The following KLF8 variants were observed in gnomAD, a reference collection of about 807,000 sequenced individuals.
KLF8 encodes KLF transcription factor 8.
Under a neutral mutation model 18.2 loss-of-function variants are expected in KLF8, and 10 were observed. The observed-to-expected ratio is 0.55, with a 90% CI of 0.34 to 0.93. KLF8 has a LOEUF of 0.93. Among genes scored for constraint, KLF8 ranks in the 40% least tolerant of loss-of-function variants. The pLI is 0.02. For synonymous variants in KLF8, 109 were observed against 97.3 expected (o/e 1.12, Z -0.71); for missense variants, 264 against 277.9 (o/e 0.95, Z 0.36).
At chrX:55,945,023 A>G in the KLF8 span, among the ~76,000 whole-genome samples, 3 of 110,761 alleles carry the variant, frequency 2.7e-5, no homozygotes, top group Admixed American at 1.9e-4. Context: ...AGATCCTGTT[A>G]TGTTGTGTCT....
At position 56,233,076 on chromosome X, in the gene KLF8, G is replaced by A; in HGVS notation, c.-259G>A. 1 of 383,134 alleles carries A rather than the reference G, an allele frequency of 2.6e-6. No individual in the cohort carries two copies. The highest frequency in any genetic ancestry group is 4.6e-6 in the Non-Finnish European group (1 of 217,242). 31.6% of individuals were successfully genotyped at this position (383,134 alleles called of 1,213,427 possible). ...TGATTTTTGGGTTGGATGCTTGAGA[G>A]CTTTGTTTCCCTTGTTCCGAGAGTG... On this transcript the variant is annotated 5_prime_UTR_variant, in exon 1 of 6. Coordinates refer to ENST00000468660, the MANE Select transcript of KLF8 (RefSeq NM_007250.5).
the KLF8 span, among the ~76,000 whole-genome samples, chrX:56,194,347 G>T: frequency 0.017 from 1,866 of 111,568 alleles, 47 homozygotes; most frequent in African/African-American, 0.059. Context: ...GGAAAAACGG[G>T]ACACTCCCAC....
chrX:56,014,822 T>G, the KLF8 span: 4 of 95,115 alleles, frequency 4.2e-5, no homozygotes, highest in African/African-American at 7.9e-5. Flanking sequence ...ATCATGTTTT[T>G]TTTTTTTTTT....
the KLF8 span, among the ~76,000 whole-genome samples, chrX:56,081,520 A>G: frequency 3.6e-5 from 4 of 111,928 alleles, no homozygotes; most frequent in Admixed American, 2.9e-4. Context: ...ACACTTTTCA[A>G]TAGCAGTGGT....
At chrX:56,095,700 A>T in the KLF8 span, among the ~76,000 whole-genome samples, 2 of 112,013 alleles carry the variant, frequency 1.8e-5, no homozygotes, top group African/African-American at 6.5e-5. Flanking sequence ...AACATAAAAA[A>T]TCCTCAACAT....
chrX:55,951,537 G>A, the KLF8 span, among the ~76,000 whole-genome samples: 3 of 109,442 alleles, frequency 2.7e-5, no homozygotes, highest in African/African-American at 1.0e-4. Context: ...AGGTCTATGG[G>A]GATACGCAAA....
At chrX:56,177,956 A>C in the KLF8 span, among the ~76,000 whole-genome samples, 46 of 111,925 alleles carry the variant, frequency 4.1e-4, no homozygotes, top group African/African-American at 1.4e-3. Flanking sequence ...GGAAAAGTGC[A>C]GTATTAGGGT....
chrX:56,172,291 G>A, the KLF8 span, among the ~76,000 whole-genome samples: 1 of 110,561 alleles, frequency 9.0e-6, no homozygotes, highest in Non-Finnish European at 1.9e-5. Flanking sequence ...GGTATGTGAT[G>A]TTCCCCTTCC....
At chrX:56,229,652 T>G (rs2066388467), upstream of KLF8, among the ~76,000 whole-genome samples, 1 of 111,749 alleles carries the variant, frequency 8.9e-6, no homozygotes, top group African/African-American at 3.3e-5. Context: ...GTCATGGGTT[T>G]CATAGTTCCC....
the KLF8 span, among the ~76,000 whole-genome samples, chrX:56,187,634 G>T: frequency 9.9e-5 from 11 of 111,159 alleles, no homozygotes; most frequent in Non-Finnish European, 1.9e-4. Flanking sequence ...ATAAAATACT[G>T]GCAAACCGAG....
chrX:56,127,662 G>A, the KLF8 span, among the ~76,000 whole-genome samples: 2 of 110,833 alleles, frequency 1.8e-5, no homozygotes, highest in Non-Finnish European at 3.8e-5. Flanking sequence ...CAAGGGCCCT[G>A]TATCAAAACA....
chrX:55,988,014 T>C, the KLF8 span, among the ~76,000 whole-genome samples: 1 of 112,531 alleles, frequency 8.9e-6, no homozygotes, highest in Non-Finnish European at 1.9e-5. Context: ...GAGAAGTGTC[T>C]GTTCATATCC....
chrX:56,156,592 C>A, the KLF8 span, among the ~76,000 whole-genome samples: 1 of 108,574 alleles, frequency 9.2e-6, no homozygotes, highest in Non-Finnish European at 1.9e-5. Context: ...TCTTTATATA[C>A]TTTAAGTTTT....
the KLF8 span, among the ~76,000 whole-genome samples, chrX:56,215,070 G>A: frequency 8.9e-6 from 1 of 111,911 alleles, no homozygotes; most frequent in Admixed American, 9.5e-5. Context: ...GCAGACAGTG[G>A]CCAGGTCTTA....
chrX:56,053,979 T>C, the KLF8 span, among the ~76,000 whole-genome samples: 318 of 111,237 alleles, frequency 2.9e-3, no homozygotes, highest in African/African-American at 9.8e-3. Flanking sequence ...CTTTTAATGC[T>C]TTTTCATATC....
chrX:56,285,859 G>A lies in KLF8; in HGVS notation c.*1365G>A, dbSNP rs1434897809. The A allele has an allele frequency of 9.0e-6, 1 of 111,335 alleles. No individual in the cohort carries two copies. Among genetic ancestry groups the A allele is most frequent in the East Asian group, 2.8e-4 (1 of 3,519 alleles). The allele number at this position is 111,335 out of a possible 1,213,427, so 9.2% of individuals were successfully genotyped here. ...CCTTTCTGGGGTCAGGGGTAGGGGAGGGGGCTTTGCATCACTTGAATTTAG... is the reference window on the plus strand; with the variant it reads ...CCTTTCTGGGGTCAGGGGTAGGGGAAGGGGCTTTGCATCACTTGAATTTAG... On this transcript the variant is annotated 3_prime_UTR_variant, in exon 6 of 6. Coordinates refer to ENST00000468660, the MANE Select transcript of KLF8 (RefSeq NM_007250.5).
At chrX:55,962,198 C>T in the KLF8 span, 1 of 164,901 alleles carries the variant, frequency 6.1e-6, no homozygotes, top group South Asian at 1.3e-4. Context: ...CCGAAATTTG[C>T]AAAAACAATG....
At chrX:55,916,289 C>T in the KLF8 span, among the ~76,000 whole-genome samples, 4 of 111,916 alleles carry the variant, frequency 3.6e-5, no homozygotes, top group Non-Finnish European at 5.6e-5. Context: ...TTTGTAGTAA[C>T]TTCTTGTGTT....
chrX:56,048,266 G>A, the KLF8 span, among the ~76,000 whole-genome samples: 1 of 111,584 alleles, frequency 9.0e-6, no homozygotes, highest in South Asian at 3.7e-4. Flanking sequence ...AAGCTCTTTA[G>A]TTTAATTAGA....
Sources: gnomAD v4.1 joint callset for allele counts (sites outside exome capture counted in the v4.1 genomes callset) on GRCh38, gnomAD v4.1.1 for gene constraint, MANE v1.5 for transcripts, NCBI Gene and HGNC (gene_info 2026-07-23, HGNC 2026-07-21) for gene names.